SPTLC2: variants seen among roughly 807,000 people sequenced by gnomAD.
SPTLC2 encodes serine palmitoyltransferase long chain base subunit 2, also known as serine palmitoyltransferase 2.
Under a neutral mutation model 62.0 loss-of-function variants are expected in SPTLC2, and 21 were observed. The observed-to-expected ratio is 0.34, with a 90% CI of 0.24 to 0.49. The LOEUF is 0.49. Among genes scored for constraint, SPTLC2 ranks in the 20% least tolerant of loss-of-function variants. The pLI, the probability that SPTLC2 is intolerant of heterozygous loss-of-function variation, is 0.99. For synonymous variants in SPTLC2, 261 were observed against 261.8 expected (o/e 1.00, Z 0.03); for missense variants, 511 against 713.0 (o/e 0.72, Z 3.23).
chr14:77,521,682 G>A, intron 9 of SPTLC2, 101 bp from the exon 10 acceptor site: 2 of 1,125,230 alleles, frequency 1.8e-6, no homozygotes, highest in Non-Finnish European at 1.3e-6. Flanking sequence ...AATCAGTTCT[G>A]TTTCGTTTTT....
chr14:77,556,959 A>G lies in SPTLC2; in HGVS notation c.956+82T>C. ...GTCTCCTTAGTTTCCAGAGGGGGAT[A>G]GACTAATGTTCCCTTCAGTTAAAAA... On this transcript the variant is annotated intron_variant, in intron 7 of 11. Transcript: ENST00000216484. 4.6e-6 allele frequency: 5 copies of G among 1,083,884 alleles called. No homozygotes were observed. In the South Asian group the frequency reaches 6.3e-5, roughly 14 times the overall value. The allele number at this position is 1,083,884 out of a possible 1,614,324, so 67.1% of individuals were successfully genotyped here. A position where few individuals can be genotyped will look rare whatever the true frequency, so the allele number is the denominator to read the frequency against.
At chr14:77,570,280 T>TA (rs2079673687) in intron 5 of SPTLC2, 104 bp downstream of exon 5, 30 of 1,410,332 alleles carry the variant, frequency 2.1e-5, no homozygotes, top group Non-Finnish European at 2.9e-5. Context: ...GGCTAAACTA[T>TA]GTTTAGCCTA....
intron 9 of SPTLC2, among the ~76,000 whole-genome samples, chr14:77,539,860 T>C (rs1303517477): frequency 1.3e-5 from 2 of 152,082 alleles, no homozygotes; most frequent in African/African-American, 4.8e-5. Context: ...CAAAAACAGA[T>C]TGCTGACTGA....
At chr14:77,595,458 G>T (rs759286494) in intron 2 of SPTLC2, among the ~76,000 whole-genome samples, 2 of 152,170 alleles carry the variant, frequency 1.3e-5, no homozygotes, top group Non-Finnish European at 2.9e-5. Flanking sequence ...ACTTCTGAAT[G>T]CAGGGCTTTG....
chr14:77,555,276 C>G, intron 8 of SPTLC2, 24 bp downstream of exon 8: 1 of 1,613,604 alleles, frequency 6.2e-7, no homozygotes, highest in Non-Finnish European at 8.5e-7. Flanking sequence ...TATCTCTAAT[C>G]GCTCATTCTC....
intron 10 of SPTLC2, among the ~76,000 whole-genome samples, chr14:77,519,317 G>A (rs1307894345): frequency 6.6e-6 from 1 of 152,122 alleles, no homozygotes; most frequent in Non-Finnish European, 1.5e-5. Flanking sequence ...TTACAGGTGT[G>A]AGCCACTGTG....
chr14:77,528,644 A>G (rs907429782), intron 9 of SPTLC2, among the ~76,000 whole-genome samples: 2 of 152,202 alleles, frequency 1.3e-5, no homozygotes, highest in African/African-American at 2.4e-5. Context: ...TTTCAGCATT[A>G]ACTAGGAATT....
intron 6 of SPTLC2, 114 bp from the exon 7 acceptor site, chr14:77,557,260 A>G (rs1427249700): frequency 2.1e-6 from 2 of 951,746 alleles, no homozygotes; most frequent in South Asian, 1.4e-5. Context: ...AGCAAAGGAC[A>G]TAATTAGAGT....
chr14:77,521,626 A>G (rs753373408), intron 9 of SPTLC2, 45 bp from the exon 10 acceptor site: 49 of 1,576,742 alleles, frequency 3.1e-5, no homozygotes, highest in Non-Finnish European at 4.3e-5. Context: ...CTAAGTAAAA[A>G]GGAATGGAAA....
intron 1 of SPTLC2, among the ~76,000 whole-genome samples, chr14:77,609,503 G>A (rs1327662777): frequency 1.3e-5 from 2 of 152,168 alleles, no homozygotes; most frequent in East Asian, 1.9e-4. Context: ...TTGGAAGTCC[G>A]AAGCGGATGG....
At chr14:77,548,502 A>G (rs530815542) in intron 9 of SPTLC2, among the ~76,000 whole-genome samples, 1 of 152,364 alleles carries the variant, frequency 6.6e-6, no homozygotes, top group East Asian at 1.9e-4. Context: ...ATTAGTGGAC[A>G]CGGATTAGTG....
At chr14:77,527,183 G>A (rs946771669) in intron 9 of SPTLC2, among the ~76,000 whole-genome samples, 1 of 151,244 alleles carries the variant, frequency 6.6e-6, no homozygotes, top group Admixed American at 6.6e-5. Flanking sequence ...TGCAATCTCT[G>A]CCTCTCAGGC....
intron 9 of SPTLC2, chr14:77,547,987 G>T (rs1464991803): frequency 2.7e-5 from 4 of 147,838 alleles, no homozygotes; most frequent in African/African-American, 7.5e-5. Flanking sequence ...TCTATTACTG[G>T]AATTAATTCA....
chr14:77,616,266 G>C (rs1171489816), intron 1 of SPTLC2, among the ~76,000 whole-genome samples, 182 bp downstream of exon 1: 1 of 152,160 alleles, frequency 6.6e-6, no homozygotes, highest in Non-Finnish European at 1.5e-5. Flanking sequence ...GAGCCCCCGA[G>C]CCGTCCTTGA....
Position 77,613,501 on chromosome 14 carries a change from T to C in SPTLC2, c.132+2947A>G, listed in dbSNP as rs146870849. On this transcript the variant is annotated intron_variant, in intron 1 of 11. Coordinates refer to ENST00000216484, the MANE Select transcript of SPTLC2 (RefSeq NM_004863.4). ...TAAACAGCAATGTGTGATTGTTTCA[T>C]AACTCCTTAACACAGCATCTAGCTC... Among the ~76,000 whole-genome samples the C allele has an allele frequency of 3.9e-3, 600 of 152,362 alleles. 1 individual carries two copies. Among genetic ancestry groups the C allele is most frequent in the South Asian group, 0.022 (105 of 4,830 alleles).
chr14:77,573,364 A>G (rs909867644), intron 4 of SPTLC2, among the ~76,000 whole-genome samples: 6 of 152,170 alleles, frequency 3.9e-5, no homozygotes, highest in Admixed American at 2.6e-4. Context: ...GAAATAATAA[A>G]TGCTTGGGGT....
chr14:77,539,491 T>TTC (rs2140007572), intron 9 of SPTLC2, among the ~76,000 whole-genome samples: 1 of 110,076 alleles, frequency 9.1e-6, no homozygotes, highest in East Asian at 3.2e-4. Context: ...GGCTTTTTTT[T>TTC]TTTTTTTTTT....
chr14:77,536,555 CA>C (rs1566772637), intron 9 of SPTLC2, among the ~76,000 whole-genome samples: 1 of 152,008 alleles, frequency 6.6e-6, no homozygotes, highest in African/African-American at 2.4e-5. Flanking sequence ...TTTCATCACT[CA>C]AAAAGAAACC....
chr14:77,579,904 T>C (rs1223896103), intron 2 of SPTLC2, among the ~76,000 whole-genome samples: 1 of 152,186 alleles, frequency 6.6e-6, no homozygotes, highest in Middle Eastern at 3.2e-3. Flanking sequence ...CACAAGAATG[T>C]AAATTAACAA....
Sources: gnomAD v4.1 joint callset for allele counts (sites outside exome capture counted in the v4.1 genomes callset) on GRCh38, gnomAD v4.1.1 for gene constraint, MANE v1.5 for transcripts, NCBI Gene and HGNC (gene_info 2026-07-23, HGNC 2026-07-21) for gene names.